RASA2: variants seen among roughly 807,000 people sequenced by gnomAD.
RASA2 encodes the protein ras GTPase-activating protein 2.
In RASA2, 155 loss-of-function variants were observed where a neutral mutation model predicts 118.2. The observed-to-expected ratio is 1.31, with a 90% CI of 1.15 to 1.50. The LOEUF is 1.50. Ranked by LOEUF, RASA2 falls within the 40% of genes most tolerant of loss-of-function variation. The pLI is 0.00. For missense variants in RASA2, 1,016 were observed against 1,009.6 expected (o/e 1.01, Z -0.09); for synonymous variants, 353 against 349.1 (o/e 1.01, Z -0.12).
chr3:141,605,690 A>C (rs1476775678), intron 19 of RASA2, among the ~76,000 whole-genome samples: 1 of 151,506 alleles, frequency 6.6e-6, no homozygotes, highest in African/African-American at 2.4e-5. Flanking sequence ...TGATTTCCTC[A>C]GATGTTATCC....
At position 141,571,504 on chromosome 3, in the gene RASA2, A is replaced by T; in HGVS notation, c.1119A>T (p.Lys373Asn). Reference sequence around the variant, plus strand: ...TACGACTGCTGCTGCACCATGATAAACTTGTTCCTTTTGCCACTGCTGTGG... The same window carrying T: ...TACGACTGCTGCTGCACCATGATAATCTTGTTCCTTTTGCCACTGCTGTGG... ...PLVRLLLHHD[K>N]LVPFATAVAE... Residue 373 changes from lysine (K) to asparagine (N), a missense_variant, in exon 11 of 24, where the codon AAA becomes AAT. Lys to Asn is a moderately conservative substitution (Grantham distance 94). This residue lies in a region of RASA2 where 896 missense variants were observed against 836.4 expected (regional missense o/e 1.07). Transcript: ENST00000286364. 1 of 1,612,834 alleles carries T rather than the reference A, an allele frequency of 6.2e-7. No homozygotes were observed. The highest frequency in any genetic ancestry group is 8.5e-7 in the Non-Finnish European group (1 of 1,179,372).
intron 3 of RASA2, chr3:141,525,775 C>T (rs1432551369): frequency 6.6e-6 from 1 of 151,776 alleles, no homozygotes; most frequent in Admixed American, 6.6e-5. Flanking sequence ...CCACTACACT[C>T]CATCCTGGGC....
At chr3:141,555,694 T>A in intron 6 of RASA2, 146 bp from the exon 7 acceptor site, 2 of 627,794 alleles carry the variant, frequency 3.2e-6, no homozygotes, top group Non-Finnish European at 5.5e-6. Context: ...GGACAGTTAC[T>A]TTTTTCCAAG....
chr3:141,513,303 ATTC>A, intron 2 of RASA2, among the ~76,000 whole-genome samples: 1 of 151,786 alleles, frequency 6.6e-6, no homozygotes, highest in Non-Finnish European at 1.5e-5. Flanking sequence ...TATCTATTGA[ATTC>A]TTCTTAGAAA....
chr3:141,521,496 T>G (rs1255102910), intron 3 of RASA2, among the ~76,000 whole-genome samples: 1 of 152,238 alleles, frequency 6.6e-6, no homozygotes, highest in Admixed American at 6.5e-5. Flanking sequence ...TCTTTACATG[T>G]TATAATCTTA....
At chr3:141,508,378 G>GT (rs1342364830) in intron 1 of RASA2, among the ~76,000 whole-genome samples, 55 of 148,608 alleles carry the variant, frequency 3.7e-4, no homozygotes, top group East Asian at 1.8e-3. Flanking sequence ...GGTTTTTTGG[G>GT]TTTTTTTTTT....
intron 9 of RASA2, among the ~76,000 whole-genome samples, chr3:141,560,767 T>C (rs1228121904): frequency 2.6e-5 from 4 of 152,180 alleles, no homozygotes; most frequent in African/African-American, 9.7e-5. Context: ...TGGGTATAAA[T>C]GAACATGCCT....
chr3:141,523,374 A>G (rs2082139786), intron 3 of RASA2, among the ~76,000 whole-genome samples: 1 of 152,120 alleles, frequency 6.6e-6, no homozygotes, highest in Admixed American at 6.5e-5. Context: ...TTAGCCTCCC[A>G]AAGTGCTGGA....
At chr3:141,608,416 T>C (rs1453793985) in intron 20 of RASA2, 73 bp from the exon 21 acceptor site, 3 of 1,420,788 alleles carry the variant, frequency 2.1e-6, no homozygotes, top group Non-Finnish European at 3.0e-6. Flanking sequence ...TTTAGGTACT[T>C]TTCTTCTGTT....
intron 1 of RASA2, among the ~76,000 whole-genome samples, chr3:141,488,831 C>G (rs568601577): frequency 1.3e-5 from 2 of 152,260 alleles, no homozygotes; most frequent in East Asian, 3.9e-4. Flanking sequence ...TTACCACTTT[C>G]TTAGTGCCAC....
intron 5 of RASA2, among the ~76,000 whole-genome samples, chr3:141,551,054 G>T (rs1329196087): frequency 6.6e-6 from 1 of 152,086 alleles, no homozygotes; most frequent in Non-Finnish European, 1.5e-5. Context: ...TGTCATTTCT[G>T]ATTCTGTTTC....
chr3:141,541,674 G>GT (rs1053048485), intron 5 of RASA2, among the ~76,000 whole-genome samples: 8 of 151,750 alleles, frequency 5.3e-5, no homozygotes, highest in Admixed American at 2.0e-4. Context: ...CTATTAAGGC[G>GT]TTTTTTTCCT....
intron 20 of RASA2, 66 bp downstream of exon 20, chr3:141,607,826 C>G (rs1006579092): frequency 7.0e-7 from 1 of 1,434,986 alleles, no homozygotes; most frequent in East Asian, 2.6e-5. Flanking sequence ...ATTTGTATTT[C>G]GAGGTATTTG....
rs367705930 is a variant in RASA2 at position 141,555,797 on chromosome 3, A to G, written c.612-43A>G. On this transcript the variant is annotated intron_variant, in intron 6 of 23. Transcript: ENST00000286364. The stretch of plus-strand genomic sequence containing the variant: ...GAAATAGCATGTTTTATAATTGTGT[A>G]CTGTTAAGTTCTACAAGGTAAAACT... 5 of 1,513,774 alleles carry G rather than the reference A, an allele frequency of 3.3e-6. No homozygotes were observed. In the African/African-American group the frequency reaches 7.0e-5, roughly 21 times the overall value. 93.8% of individuals were successfully genotyped at this position (1,513,774 alleles called of 1,614,324 possible).
chr3:141,600,277 G>A (rs1042738392), intron 19 of RASA2: 20 of 536,814 alleles, frequency 3.7e-5, no homozygotes, highest in Non-Finnish European at 7.6e-5. Context: ...TTAGTTTTCA[G>A]CCCCTTCTAC....
intron 4 of RASA2, among the ~76,000 whole-genome samples, chr3:141,536,761 CTTT>C (rs778644144): frequency 3.9e-5 from 5 of 127,430 alleles, no homozygotes; most frequent in African/African-American, 2.9e-5. Context: ...TTGTTAGATT[CTTT>C]TTTTTTTTTT....
intron 19 of RASA2, among the ~76,000 whole-genome samples, chr3:141,599,709 G>C (rs990299783): frequency 6.9e-6 from 1 of 145,356 alleles, no homozygotes; most frequent in African/African-American, 2.4e-5. Flanking sequence ...ACCTCCTTAT[G>C]TGATAAAGGA....
chr3:141,573,583 G>A (rs1299059112), intron 13 of RASA2, among the ~76,000 whole-genome samples: 1 of 152,164 alleles, frequency 6.6e-6, no homozygotes, highest in Non-Finnish European at 1.5e-5. Flanking sequence ...AAAAAACAAT[G>A]ATTGTGTTAG....
intron 1 of RASA2, among the ~76,000 whole-genome samples, chr3:141,495,659 A>G (rs747784761): frequency 2.0e-4 from 31 of 152,204 alleles, no homozygotes; most frequent in Admixed American, 3.3e-4. Flanking sequence ...CATTTTGGCT[A>G]TATCTGTTAA....
Sources: gnomAD v4.1 joint callset for allele counts (sites outside exome capture counted in the v4.1 genomes callset) on GRCh38, gnomAD v4.1.1 for gene constraint, gnomAD v4.1.1 regional missense constraint, MANE v1.5 for transcripts, NCBI Gene and HGNC (gene_info 2026-07-23, HGNC 2026-07-21) for gene names.